The following CFAP57 variants were observed in gnomAD, a reference collection of about 807,000 sequenced individuals.
CFAP57 encodes the protein cilia and flagella associated protein 57, also known as cilia- and flagella-associated protein 57.
CFAP57 carries 116 observed loss-of-function variants against 146.8 expected under a neutral mutation model. That is an observed-to-expected ratio of 0.79 (90% CI 0.68 to 0.92). The LOEUF (loss-of-function observed/expected upper bound fraction) is 0.92. Among genes scored for constraint, CFAP57 ranks in the 40% least tolerant of loss-of-function variants. The pLI is 0.00. For synonymous variants in CFAP57, 518 were observed against 552.8 expected (o/e 0.94, Z 0.88); for missense variants, 1,377 against 1,527.2 (o/e 0.90, Z 1.64).
At chr1:43,212,370 A>G (rs948127118) in intron 11 of CFAP57, among the ~76,000 whole-genome samples, 2 of 152,188 alleles carry the variant, frequency 1.3e-5, no homozygotes, top group African/African-American at 2.4e-5. Context: ...TGAGAACTGT[A>G]TATGGAATTA....
intron 2 of CFAP57, among the ~76,000 whole-genome samples, chr1:43,178,772 A>G (rs1645267844): frequency 6.6e-6 from 1 of 152,252 alleles, no homozygotes; most frequent in Non-Finnish European, 1.5e-5. Flanking sequence ...TGACCCAGCC[A>G]TGCCATTACA....
At chr1:43,251,929 T>G (rs2124697925) in intron 22 of CFAP57, among the ~76,000 whole-genome samples, 2 of 152,320 alleles carry the variant, frequency 1.3e-5, no homozygotes, top group Middle Eastern at 3.4e-3. Context: ...AGGAATTAGC[T>G]AAACTAATTG....
At chr1:43,221,300 G>A in intron 13 of CFAP57, 72 bp from the exon 14 acceptor site, 1 of 1,149,014 alleles carries the variant, frequency 8.7e-7, no homozygotes, top group Non-Finnish European at 1.2e-6. Context: ...GGTGTTACTT[G>A]TAAAATCAGT....
intron 13 of CFAP57, among the ~76,000 whole-genome samples, chr1:43,220,184 T>G (rs1644990931): frequency 6.6e-6 from 1 of 152,216 alleles, no homozygotes. Flanking sequence ...ACATACTTTT[T>G]GTAATTTCCA....
At chr1:43,213,679 A>G (rs1644721349) in intron 11 of CFAP57, among the ~76,000 whole-genome samples, 1 of 152,280 alleles carries the variant, frequency 6.6e-6, no homozygotes, top group South Asian at 2.1e-4. Flanking sequence ...CCAACAGTGT[A>G]TAAGAGTTCT....
chr1:43,221,740 G>A (rs927068867), intron 14 of CFAP57, among the ~76,000 whole-genome samples: 6 of 152,176 alleles, frequency 3.9e-5, no homozygotes, highest in East Asian at 1.9e-4. Flanking sequence ...GGCTCACCAC[G>A]TACTTGCCAG....
intron 4 of CFAP57, 77 bp from the exon 5 acceptor site, chr1:43,185,072 T>C: frequency 6.6e-7 from 1 of 1,518,768 alleles, no homozygotes; most frequent in Non-Finnish European, 9.1e-7. Flanking sequence ...AGTGACAGTC[T>C]TCTTTCTCCT....
chr1:43,223,165 A>G (rs1645115352), intron 16 of CFAP57, among the ~76,000 whole-genome samples, 168 bp downstream of exon 16: 1 of 151,758 alleles, frequency 6.6e-6, no homozygotes. Context: ...ACGCAGATGG[A>G]CCCTCCCCAC....
At chr1:43,182,864 A>G (rs888562604) in intron 3 of CFAP57, among the ~76,000 whole-genome samples, 1 of 152,212 alleles carries the variant, frequency 6.6e-6, no homozygotes, top group African/African-American at 2.4e-5. Context: ...TTGACTGCCT[A>G]TTACTGTACA....
At chr1:43,224,428 A>G (rs1242106278) in intron 17 of CFAP57, among the ~76,000 whole-genome samples, 2 of 152,220 alleles carry the variant, frequency 1.3e-5, no homozygotes, top group African/African-American at 4.8e-5. Flanking sequence ...CTGAGAACCC[A>G]GTGTTATGGT....
At position 43,181,821 on chromosome 1, in the gene CFAP57, A is replaced by G. The variant is rs1228730362; in HGVS notation, c.445A>G (p.Ile149Val). 2.5e-6 allele frequency: 4 copies of G among 1,614,076 alleles called. No homozygotes were observed. The highest frequency in any genetic ancestry group is 1.1e-5 in the South Asian group (1 of 91,084). ...EKQKVMAIVR[I>V]DTQNNPVYQV... Reference sequence around the variant, plus strand: ...ACAGAAAGTAATGGCCATTGTTAGAATCGACACTCAGAACAACCCTGTCTA... The same window carrying G: ...ACAGAAAGTAATGGCCATTGTTAGAGTCGACACTCAGAACAACCCTGTCTA... Residue 149 changes from isoleucine (I) to valine (V), a missense_variant, in exon 3 of 23, where the codon ATC becomes GTC. Transcript: ENST00000372492.
chr1:43,234,070 G>A (rs977419924), intron 19 of CFAP57, among the ~76,000 whole-genome samples: 6 of 152,114 alleles, frequency 3.9e-5, no homozygotes, highest in African/African-American at 1.4e-4. Context: ...GTGTCCAGCC[G>A]AGGGCAGGTG....
intron 22 of CFAP57, among the ~76,000 whole-genome samples, chr1:43,252,181 GA>G (rs1646341016): frequency 6.6e-6 from 1 of 151,986 alleles, no homozygotes; most frequent in Non-Finnish European, 1.5e-5. Flanking sequence ...ACAAAGAAAA[GA>G]AAAGAAAGAG....
In CFAP57 at chr1:43,240,512, C is replaced by T. The variant is rs556592645; in HGVS notation, c.3406-2715C>T. Among the ~76,000 whole-genome samples, 3 of 152,306 alleles carry T rather than the reference C, an allele frequency of 2.0e-5. No individual in the cohort carries two copies. The South Asian group carries it at 6.2e-4, about 32-fold the overall frequency. The stretch of plus-strand genomic sequence containing the variant: ...ACCTGGTGGGGGACCCATCACACTA[C>T]AATCAGCAAGGCCTGGGTTGGTTCA... On this transcript the variant is annotated intron_variant, in intron 21 of 22. Coordinates refer to ENST00000372492, the MANE Select transcript of CFAP57 (RefSeq NM_001378189.1).
At chr1:43,206,016 A>T (rs1241936900) in intron 9 of CFAP57, among the ~76,000 whole-genome samples, 1 of 152,098 alleles carries the variant, frequency 6.6e-6, no homozygotes, top group African/African-American at 2.4e-5. Context: ...ACAGGGTCTC[A>T]CTCTGTCACT....
intron 8 of CFAP57, 70 bp downstream of exon 8, chr1:43,198,716 A>G: frequency 6.4e-7 from 1 of 1,572,114 alleles, no homozygotes; most frequent in South Asian, 1.1e-5. Flanking sequence ...TCAGGAACTA[A>G]CATGATCTGG....
rs575578609 is a variant in CFAP57 at position 43,252,735 on chromosome 1, A to T, written c.3539-1242A>T. ...AATAAAAAAGGAATTTGAAAATAAGACAAAAAAGCAAAAGTCTTCCAAAAT... is the reference window on the plus strand; with the variant it reads ...AATAAAAAAGGAATTTGAAAATAAGTCAAAAAAGCAAAAGTCTTCCAAAAT... On this transcript the variant is annotated intron_variant, in intron 22 of 22. Coordinates refer to ENST00000372492, the MANE Select transcript of CFAP57 (RefSeq NM_001378189.1). 4.4e-4 allele frequency among the ~76,000 whole-genome samples: 67 copies of T among 152,366 alleles called. 2 individuals carry two copies. In the Middle Eastern group the frequency reaches 0.031, roughly 70 times the overall value.
intron 6 of CFAP57, among the ~76,000 whole-genome samples, chr1:43,194,416 G>C (rs1643734948): frequency 6.6e-6 from 1 of 152,028 alleles, no homozygotes; most frequent in Non-Finnish European, 1.5e-5. Flanking sequence ...AAATGTGTCT[G>C]TTTGTGGAAC....
chr1:43,188,828 C>T (rs1231356757), intron 6 of CFAP57, among the ~76,000 whole-genome samples: 4 of 152,170 alleles, frequency 2.6e-5, no homozygotes, highest in Non-Finnish European at 5.9e-5. Flanking sequence ...TTTAAGAAGC[C>T]AATGCCTGAG....
Sources: gnomAD v4.1 joint callset for allele counts (sites outside exome capture counted in the v4.1 genomes callset) on GRCh38, gnomAD v4.1.1 for gene constraint, MANE v1.5 for transcripts, NCBI Gene and HGNC (gene_info 2026-07-23, HGNC 2026-07-21) for gene names.